ZNF208: variants seen among roughly 807,000 people sequenced by gnomAD.
ZNF208 encodes zinc finger protein 95.
ZNF208 carries 10 observed loss-of-function variants against 12.1 expected under a neutral mutation model. That is an observed-to-expected ratio of 0.83 (90% CI 0.51 to 1.40). ZNF208 has a LOEUF of 1.40. ZNF208 is among the 40% of genes most tolerant of loss of function. ZNF208 has a pLI of 0.00. For synonymous variants in ZNF208, 497 were observed against 488.4 expected, an observed-to-expected ratio of 1.02 and a Z score of -0.23; for missense variants, 1,652 against 1,485.0, an observed-to-expected ratio of 1.11 and a Z score of -1.85.
At chr19:21,954,098 T>C (rs1253720848) in intron 4 of ZNF208, among the ~76,000 whole-genome samples, 1 of 152,236 alleles carries the variant, frequency 6.6e-6, no homozygotes. Context: ...ATTTACCCAG[T>C]AGTCATTCAG....
chr19:21,953,452 CA>C (rs1295888790), intron 4 of ZNF208, among the ~76,000 whole-genome samples: 1 of 152,234 alleles, frequency 6.6e-6, no homozygotes, highest in Admixed American at 6.5e-5. Context: ...ATCAGACTAA[CA>C]GTGGCTCTCT....
rs769009774 is a variant in ZNF208 at position 21,974,648 on chromosome 19, C to A, written c.386G>T (p.Gly129Val). ...CAAACTCTGGTTAAGTTTATTATAA[C>A]CTTCTTTGTGCACCTTACACTCATC... is the stretch of plus-strand genomic sequence containing the variant. ...NVDECKVHKE[G>V]YNKLNQSLTT... The change falls in exon 4 of 4, where the codon GGT (glycine) becomes GTT (valine). Residue 129 changes from glycine (G) to valine (V), a missense_variant. Gly to Val is a moderately radical substitution (Grantham distance 109). Transcript: ENST00000397126. The A allele has an allele frequency of 6.2e-7, 1 of 1,613,558 alleles. No individual in the cohort carries two copies. The highest frequency in any genetic ancestry group is 2.2e-5 in the East Asian group (1 of 44,830).
At chr19:21,992,415 T>C (rs1284677012) in intron 1 of ZNF208, among the ~76,000 whole-genome samples, 2 of 152,232 alleles carry the variant, frequency 1.3e-5, no homozygotes, top group Non-Finnish European at 2.9e-5. Flanking sequence ...TAATTTTTAG[T>C]AGTGATTTTA....
At chr19:21,986,869 T>A in intron 3 of ZNF208, 1 of 398,410 alleles carries the variant, frequency 2.5e-6, no homozygotes, top group Non-Finnish European at 4.4e-6. Context: ...AGAGAACTTA[T>A]AAGATAGTTT....
rs1970298602 is a variant in ZNF208, at chr19:21,972,020, TC to T, written c.3013del (p.Glu1005AsnfsTer129). The T allele has an allele frequency of 6.2e-7, 1 of 1,613,778 alleles. No individual in the cohort carries two copies. Among genetic ancestry groups the T allele is most frequent in the African/African-American group, 1.3e-5 (1 of 74,896 alleles). On this transcript the variant is annotated frameshift_variant, in exon 4 of 4. Coordinates refer to ENST00000397126, the MANE Select transcript of ZNF208 (RefSeq NM_007153.3). LOFTEE classifies it low-confidence loss of function (END_TRUNC). ...HTGEKPYKCE[E>X]CGKAFNWSSN... ...TGACCAGTTGAAAGCTTTGCCACAT[TC>T]TTCACATTTGTAGGGTTTCTCTCCA... is the stretch of plus-strand genomic sequence containing the variant.
At position 21,970,785 on chromosome 19, in the gene ZNF208, C is replaced by A; in HGVS notation, c.*406G>T. The A allele has an allele frequency of 3.5e-6, 5 of 1,428,198 alleles. No homozygotes were observed. Among genetic ancestry groups the A allele is most frequent in the Non-Finnish European group, 4.9e-6 (5 of 1,016,928 alleles). 88.5% of individuals were successfully genotyped at this position (1,428,198 alleles called of 1,614,324 possible). A position where few individuals can be genotyped will look rare whatever the true frequency, so the allele number is the denominator to read the frequency against. On this transcript the variant is annotated 3_prime_UTR_variant, in exon 4 of 4. Transcript: ENST00000397126. ...TTCTTCACATTTTTAGAATTTCTCT[C>A]CAGCATGAATTTTCTTATGTTTACT...
At chr19:21,963,875 T>A (rs1472904824), downstream of ZNF208, among the ~76,000 whole-genome samples, 1 of 151,894 alleles carries the variant, frequency 6.6e-6, no homozygotes, top group Non-Finnish European at 1.5e-5. Context: ...GATAGGGAGC[T>A]GACAAAGAGT....
intron 3 of ZNF208, among the ~76,000 whole-genome samples, chr19:21,983,784 T>TAA (rs1313691506): frequency 2.6e-5 from 4 of 151,750 alleles, no homozygotes; most frequent in African/African-American, 9.7e-5. Flanking sequence ...TTCTCACTCA[T>TAA]AAGTGGGAGT....
Position 21,974,072 on chromosome 19 carries a change from G to A in ZNF208, c.962C>T (p.Ala321Val), listed in dbSNP as rs141968449. The change falls in exon 4 of 4, where the codon GCC (alanine) becomes GTC (valine). Residue 321 changes from alanine (A) to valine (V), a missense_variant. Physicochemically the swap from Ala to Val is moderately conservative, Grantham distance 64. Transcript: ENST00000397126. ...KPYKCKECGK[A>V]FSKVSTLITH... ...AATAAGGGTTGAGACCTTACTGAAG[G>A]CTTTGCCACATTCTTTACATTTGTA... 2.5e-5 allele frequency: 38 copies of A among 1,492,792 alleles called. 1 individual carries two copies. The Middle Eastern group carries it at 1.6e-3, about 63-fold the overall frequency. The allele number at this position is 1,492,792 out of a possible 1,614,324, so 92.5% of individuals were successfully genotyped here. A position where few individuals can be genotyped will look rare whatever the true frequency, so the allele number is the denominator to read the frequency against.
At chr19:21,996,354 T>G (rs1185168197) in intron 1 of ZNF208, among the ~76,000 whole-genome samples, 1 of 152,236 alleles carries the variant, frequency 6.6e-6, no homozygotes, top group African/African-American at 2.4e-5. Context: ...TAATAATTGA[T>G]TGGATATACA....
At chr19:21,951,700 A>C (rs1406637779) in intron 4 of ZNF208, among the ~76,000 whole-genome samples, 1 of 152,218 alleles carries the variant, frequency 6.6e-6, no homozygotes, top group Non-Finnish European at 1.5e-5. Flanking sequence ...CCAAATAGGA[A>C]GAGCTCTGGT....
In ZNF208 at chr19:21,988,748, G is replaced by A. The variant is rs543970747; in HGVS notation, c.130+35C>T. On this transcript the variant is annotated intron_variant, in intron 2 of 3. Transcript: ENST00000397126. ...TCTGCAGCAAAATGAAACCTGTAGT[G>A]TATACTAGGAATTGCGTATTAAAGT... 54 of 1,608,162 alleles carry A rather than the reference G, an allele frequency of 3.4e-5. No homozygotes were observed. In the East Asian group the frequency reaches 5.8e-4, roughly 17 times the overall value.
chr19:21,969,062 T>C lies in ZNF208; in HGVS notation c.*2129A>G, dbSNP rs1970226052. On this transcript the variant is annotated 3_prime_UTR_variant, in exon 4 of 4. Coordinates refer to ENST00000397126, the MANE Select transcript of ZNF208 (RefSeq NM_007153.3). ...AGCTGGGAGTGGCGGCGGGCGCCTG[T>C]AGTCCCAGCTAATTGGGAGGCTGAG... Among the ~76,000 whole-genome samples, 2 of 152,080 alleles carry C rather than the reference T, an allele frequency of 1.3e-5. No homozygotes were observed. Among genetic ancestry groups the C allele is most frequent in the Admixed American group, 6.6e-5 (1 of 15,260 alleles).
rs749859394 is a variant in ZNF208, at chr19:21,974,590, G to T, written c.444C>A (p.Gly148=). 8 of 1,613,406 alleles carry T rather than the reference G, an allele frequency of 5.0e-6. No homozygotes were observed. In the Admixed American group the frequency reaches 1.3e-4, roughly 27 times the overall value. The change falls in exon 4 of 4, where the codon GGC becomes GGA. Residue 148 remains glycine, a synonymous_variant. Coordinates refer to ENST00000397126, the MANE Select transcript of ZNF208 (RefSeq NM_007153.3). ...ATTTATGAAAGACATTTGCATATTT[G>T]CCACGTTGAAATACTTTGCTCTGTG... ...TTTQSKVFQR[G]KYANVFHKCS...
In ZNF208 at chr19:21,972,270, A is replaced by G. The variant is rs753804925; in HGVS notation, c.2764T>C (p.Cys922Arg). ...GACAACCAGCTGAAGGCTTTGCCACATTCTTCACATTTGTAGGGTTTCTCT... is the reference window on the plus strand; with the variant it reads ...GACAACCAGCTGAAGGCTTTGCCACGTTCTTCACATTTGTAGGGTTTCTCT... ...TGEKPYKCEECGKAFSWLSVF... is the reference protein window; with the variant it reads ...TGEKPYKCEERGKAFSWLSVF... The change falls in exon 4 of 4, where the codon TGT becomes CGT. Residue 922 changes from cysteine (C) to arginine (R), a missense_variant. Physicochemically the swap from Cys to Arg is radical, Grantham distance 180. Transcript: ENST00000397126. 2.7e-5 allele frequency: 43 copies of G among 1,613,656 alleles called. No homozygotes were observed. The highest frequency in any genetic ancestry group is 1.6e-4 in the Middle Eastern group (1 of 6,084).
Position 21,989,657 on chromosome 19 carries a change from C to T in ZNF208, c.4-748G>A, listed in dbSNP as rs145485577. Among the ~76,000 whole-genome samples the T allele has an allele frequency of 4.4e-3, 663 of 152,284 alleles. 5 individuals are homozygous for T. The highest frequency in any genetic ancestry group is 0.015 in the African/African-American group (637 of 41,556). On this transcript the variant is annotated intron_variant, in intron 1 of 3. Transcript: ENST00000397126. ...GTTCTAGATCCCTGAGGAATTGCCA[C>T]ATGGACTTCCACAATGGCTGAACTA... is the stretch of plus-strand genomic sequence containing the variant.
intron 4 of ZNF208, among the ~76,000 whole-genome samples, chr19:21,943,139 C>G (rs761197495): frequency 6.6e-6 from 1 of 152,144 alleles, no homozygotes. Context: ...AAGAAAAAAA[C>G]TGCAATGCAG....
At chr19:21,992,923 T>A (rs531355603) in intron 1 of ZNF208, among the ~76,000 whole-genome samples, 12 of 152,280 alleles carry the variant, frequency 7.9e-5, no homozygotes, top group Middle Eastern at 3.4e-3. Flanking sequence ...ATCTGAGACA[T>A]GTTTAGCTGA....
intron 4 of ZNF208, among the ~76,000 whole-genome samples, chr19:21,947,246 A>G (rs1969828404): frequency 6.6e-6 from 1 of 152,182 alleles, no homozygotes; most frequent in Non-Finnish European, 1.5e-5. Context: ...TTTCACCCTG[A>G]GTAAATACCC....
Sources: gnomAD v4.1 joint callset for allele counts (sites outside exome capture counted in the v4.1 genomes callset) on GRCh38, gnomAD v4.1.1 for gene constraint, MANE v1.5 for transcripts, NCBI Gene and HGNC (gene_info 2026-07-23, HGNC 2026-07-21) for gene names.